EPM2A: variants seen among roughly 807,000 people sequenced by gnomAD.
The protein encoded by EPM2A is EPM2A glucan phosphatase, laforin.
In EPM2A, 21 loss-of-function variants were observed where a neutral mutation model predicts 26.5. The ratio of observed to expected loss-of-function variants is 0.79; its 90% CI spans 0.56 to 1.14. The LOEUF (loss-of-function observed/expected upper bound fraction) is 1.14, where lower values mean the gene tolerates loss of function less well. Among genes scored for constraint, EPM2A ranks in the 50% most tolerant of loss-of-function variants. The pLI is 0.00. For missense variants in EPM2A, 458 were observed against 440.8 expected (o/e 1.04, Z -0.35); for synonymous variants, 217 against 177.6 (o/e 1.22, Z -1.76).
chr6:145,407,454 G>A (rs902718397), intron 4 of EPM2A, among the ~76,000 whole-genome samples: 1 of 152,040 alleles, frequency 6.6e-6, no homozygotes, highest in Admixed American at 6.6e-5. Context: ...TTGTCTCATT[G>A]ACATAATGAG....
chr6:145,554,475 G>C (rs1301303711), intron 2 of EPM2A, among the ~76,000 whole-genome samples: 4 of 149,242 alleles, frequency 2.7e-5, no homozygotes, highest in Non-Finnish European at 6.0e-5. Context: ...TAGATACATA[G>C]ACAGAGAGAC....
chr6:145,658,631 A>AT (rs753281459), intron 2 of EPM2A, among the ~76,000 whole-genome samples: 239 of 152,326 alleles, frequency 1.6e-3, no homozygotes, highest in Non-Finnish European at 2.5e-3. Flanking sequence ...AGACAAAAAT[A>AT]TCTACTCTGG....
intron 2 of EPM2A, among the ~76,000 whole-genome samples, chr6:145,569,847 G>T (rs1187647477): frequency 3.2e-5 from 4 of 126,480 alleles, no homozygotes; most frequent in Middle Eastern, 4.2e-3. Context: ...AGAACTAATG[G>T]AATATACATA....
chr6:145,575,831 C>A (rs1336781944), intron 2 of EPM2A, among the ~76,000 whole-genome samples: 2 of 152,128 alleles, frequency 1.3e-5, no homozygotes, highest in Non-Finnish European at 2.9e-5. Flanking sequence ...AACCCCAAAA[C>A]CAATGAAAGA....
chr6:145,490,519 T>G (rs1032988150), intron 4 of EPM2A: 19 of 718,874 alleles, frequency 2.6e-5, no homozygotes, highest in Middle Eastern at 4.9e-4. Context: ...CTTCTCACAG[T>G]ACTGACATAC....
intron 4 of EPM2A, among the ~76,000 whole-genome samples, chr6:145,385,549 T>G (rs1264415237): frequency 6.6e-6 from 1 of 152,182 alleles, no homozygotes; most frequent in South Asian, 2.1e-4. Flanking sequence ...TTATGTTACA[T>G]AGCAAATACT....
chr6:145,675,548 G>A (rs977283068), intron 2 of EPM2A, among the ~76,000 whole-genome samples: 13 of 152,060 alleles, frequency 8.5e-5, no homozygotes, highest in African/African-American at 2.7e-4. Context: ...CCCATCTCAC[G>A]TGCAGAGATA....
chr6:145,422,988 T>A (rs1313031928), intron 4 of EPM2A, among the ~76,000 whole-genome samples: 1 of 152,134 alleles, frequency 6.6e-6, no homozygotes, highest in African/African-American at 2.4e-5. Flanking sequence ...GTCAATATAA[T>A]AAATGATCAT....
intron 4 of EPM2A, among the ~76,000 whole-genome samples, chr6:145,448,660 G>A (rs1337538004): frequency 6.6e-6 from 1 of 152,154 alleles, no homozygotes; most frequent in African/African-American, 2.4e-5. Flanking sequence ...TCTACAGCTA[G>A]ACCATAAGCC....
chr6:145,683,266 T>C (rs1049519291), intron 2 of EPM2A, among the ~76,000 whole-genome samples: 6 of 122,224 alleles, frequency 4.9e-5, no homozygotes, highest in African/African-American at 1.8e-4. Flanking sequence ...TTCCCAGGAT[T>C]TGGTGTGTGT....
intron 4 of EPM2A, among the ~76,000 whole-genome samples, chr6:145,454,957 A>G (rs970204558): frequency 2.0e-5 from 3 of 149,812 alleles, no homozygotes; most frequent in Admixed American, 2.0e-4. Flanking sequence ...AAATTGTACA[A>G]TTGTGTGCAA....
rs1780904689 is a variant in EPM2A, at chr6:145,686,259, A to G, written c.339T>C (p.Asn113=). The part of the protein sequence containing the change: ...GPHHDRCCTY[N]ENNLVDGVYC... ...ACACACCATCCACCAAGTTGTTTTC[A>G]TTGTAAGTACAGCAACGGTCATGAT... The change falls in exon 2 of 4, where the codon AAT becomes AAC. Residue 113 remains asparagine (N), a synonymous_variant. Coordinates refer to ENST00000367519, the MANE Select transcript of EPM2A (RefSeq NM_005670.4). 1 of 1,614,022 alleles carries G rather than the reference A, an allele frequency of 6.2e-7. No individual in the cohort carries two copies. Among genetic ancestry groups the G allele is most frequent in the Non-Finnish European group, 8.5e-7 (1 of 1,179,900 alleles).
downstream of EPM2A, among the ~76,000 whole-genome samples, chr6:145,500,031 C>T (rs1779868558): frequency 6.6e-6 from 1 of 151,830 alleles, no homozygotes; most frequent in Admixed American, 6.5e-5. Context: ...AGCCCAATAG[C>T]ATTTGAACTC....
chr6:145,689,509 A>G (rs143433598), intron 1 of EPM2A, among the ~76,000 whole-genome samples: 176 of 152,308 alleles, frequency 1.2e-3, no homozygotes, highest in African/African-American at 4.0e-3. Context: ...AGTTCCCTGC[A>G]TTTTCTTTTT....
At chr6:145,438,199 G>C (rs1779013360) in intron 4 of EPM2A, among the ~76,000 whole-genome samples, 1 of 152,148 alleles carries the variant, frequency 6.6e-6, no homozygotes, top group Non-Finnish European at 1.5e-5. Flanking sequence ...ATGGGACAAG[G>C]TCCCCAGTGG....
At chr6:145,669,310 A>C (rs1779477403) in intron 2 of EPM2A, among the ~76,000 whole-genome samples, 1 of 152,224 alleles carries the variant, frequency 6.6e-6, no homozygotes, top group Non-Finnish European at 1.5e-5. Flanking sequence ...ATTCTAATAC[A>C]TAGTAAGTAA....
intron 4 of EPM2A, among the ~76,000 whole-genome samples, chr6:145,390,563 T>TTCTCTCTCTCTCTCTCTCTCTC (rs61299104): frequency 1.7e-4 from 25 of 148,630 alleles, no homozygotes; most frequent in African/African-American, 6.2e-4. Flanking sequence ...TGCATGCACA[T>TTCTCTCTCTCTCTCTCTCTCTC]TCTCTCTCTC....
intron 4 of EPM2A, among the ~76,000 whole-genome samples, chr6:145,462,414 T>C (rs1415934611): frequency 6.6e-6 from 1 of 152,202 alleles, no homozygotes; most frequent in Non-Finnish European, 1.5e-5. Context: ...TACAAATTTA[T>C]TACATAAGTA....
chr6:145,710,215 T>C (rs1257513741), intron 1 of EPM2A, among the ~76,000 whole-genome samples: 5 of 151,946 alleles, frequency 3.3e-5, no homozygotes, highest in Non-Finnish European at 7.4e-5. Flanking sequence ...TGCAATCTAC[T>C]CATCTGACAA....
Sources: gnomAD v4.1 joint callset for allele counts (sites outside exome capture counted in the v4.1 genomes callset) on GRCh38, gnomAD v4.1.1 for gene constraint, MANE v1.5 for transcripts, NCBI Gene and HGNC (gene_info 2026-07-23, HGNC 2026-07-21) for gene names.